TBC1D9: variants seen among roughly 807,000 people sequenced by gnomAD.
The protein encoded by TBC1D9 is TBC1 domain family member 9, also known as TBC1 domain family member 9A.
TBC1D9 carries 63 observed loss-of-function variants against 132.0 expected under a neutral mutation model. The ratio of observed to expected loss-of-function variants is 0.48; its 90% CI spans 0.39 to 0.59. The LOEUF (loss-of-function observed/expected upper bound fraction) is 0.59. Ranked by LOEUF, TBC1D9 falls within the 20% of genes least tolerant of loss-of-function variation. TBC1D9 has a pLI of 0.00. For synonymous variants in TBC1D9, 610 were observed against 609.9 expected (o/e 1.00, Z 0.00); for missense variants, 1,261 against 1,592.7 (o/e 0.79, Z 3.54).
intron 13 of TBC1D9, among the ~76,000 whole-genome samples, chr4:140,650,889 A>G (rs748473383): frequency 6.6e-6 from 1 of 152,172 alleles, no homozygotes; most frequent in Non-Finnish European, 1.5e-5. Flanking sequence ...TATAAAGGAG[A>G]CATGCTTTTG....
chr4:140,707,751 G>T (rs79740066), intron 1 of TBC1D9, among the ~76,000 whole-genome samples: 13,284 of 151,998 alleles, frequency 0.087, 1,573 homozygotes, highest in African/African-American at 0.27. Context: ...AGCCTCCAAG[G>T]CTTTGTACAA....
At chr4:140,708,555 C>T (rs527618743) in intron 1 of TBC1D9, among the ~76,000 whole-genome samples, 4 of 152,238 alleles carry the variant, frequency 2.6e-5, no homozygotes, top group South Asian at 4.2e-4. Flanking sequence ...CTGGTAAATA[C>T]GGTTTGCACA....
intron 1 of TBC1D9, among the ~76,000 whole-genome samples, chr4:140,715,275 G>C (rs1196440021): frequency 6.6e-6 from 1 of 152,168 alleles, no homozygotes; most frequent in Non-Finnish European, 1.5e-5. Context: ...ATCACGGCCT[G>C]AACTAGTTTT....
chr4:140,686,566 C>G, intron 2 of TBC1D9, 104 bp from the exon 3 acceptor site: 1 of 698,504 alleles, frequency 1.4e-6, no homozygotes. Flanking sequence ...AGGAGACTAT[C>G]GGACCAAGAG....
At chr4:140,705,808 G>A (rs539930479) in intron 1 of TBC1D9, among the ~76,000 whole-genome samples, 23 of 152,258 alleles carry the variant, frequency 1.5e-4, no homozygotes, top group African/African-American at 5.5e-4. Context: ...ACAAAGCGCT[G>A]TTTTAGCAGC....
intron 1 of TBC1D9, among the ~76,000 whole-genome samples, chr4:140,739,384 A>C (rs895190044): frequency 1.3e-5 from 2 of 152,194 alleles, no homozygotes; most frequent in African/African-American, 4.8e-5. Flanking sequence ...TTTTGTAAAA[A>C]TAATATCCCA....
intron 13 of TBC1D9, chr4:140,643,167 G>A: frequency 2.1e-6 from 3 of 1,438,694 alleles, no homozygotes; most frequent in Non-Finnish European, 2.9e-6. Context: ...GTGGCTGCCG[G>A]CTGCCAGCAG....
chr4:140,688,082 A>G (rs571228639), intron 2 of TBC1D9, among the ~76,000 whole-genome samples: 1 of 151,938 alleles, frequency 6.6e-6, no homozygotes, highest in East Asian at 1.9e-4. Context: ...ACACAGTGAG[A>G]CCCTGTCTAA....
chr4:140,646,656 G>A (rs1737107606), intron 13 of TBC1D9, among the ~76,000 whole-genome samples: 1 of 152,104 alleles, frequency 6.6e-6, no homozygotes, highest in African/African-American at 2.4e-5. Context: ...GTTTTGGAAG[G>A]ACTAATCCAG....
intron 13 of TBC1D9, among the ~76,000 whole-genome samples, chr4:140,649,929 T>C (rs1737162058): frequency 6.6e-6 from 1 of 152,220 alleles, no homozygotes; most frequent in African/African-American, 2.4e-5. Flanking sequence ...GGGCCCATAT[T>C]TTATATTTGA....
intron 1 of TBC1D9, among the ~76,000 whole-genome samples, chr4:140,707,139 T>A (rs548736346): frequency 3.2e-4 from 46 of 145,832 alleles, no homozygotes; most frequent in African/African-American, 1.1e-3. Flanking sequence ...TTTTTTTTTT[T>A]ATTTTCACCA....
chr4:140,697,487 A>G (rs564314804), intron 2 of TBC1D9, among the ~76,000 whole-genome samples: 2 of 152,214 alleles, frequency 1.3e-5, no homozygotes, highest in South Asian at 2.1e-4. Context: ...TTCTGGAGCT[A>G]TCTCTATGGG....
chr4:140,642,795 TA>T, intron 13 of TBC1D9: 2 of 629,700 alleles, frequency 3.2e-6, no homozygotes, highest in Non-Finnish European at 2.8e-6. Context: ...AGCTTTCCGC[TA>T]CTGTTGCAGT....
Position 140,739,252 on chromosome 4 carries a change from T to C in TBC1D9, c.130+16664A>G, listed in dbSNP as rs1738722649. ...GTGATCTGCCCACCTCCCAAAGTGC[T>C]GGGATTACAGGCTGAGCCACCGCAC... is the stretch of plus-strand genomic sequence containing the variant. On this transcript the variant is annotated intron_variant, in intron 1 of 20. Transcript: ENST00000442267. 2.0e-5 allele frequency among the ~76,000 whole-genome samples: 3 copies of C among 152,314 alleles called. No individual in the cohort carries two copies. In the South Asian group the frequency reaches 6.2e-4, roughly 32 times the overall value.
Position 140,755,768 on chromosome 4 carries a change from G to C in TBC1D9, c.130+148C>G, listed in dbSNP as rs1373108897. ...CATCTCTGCCCAACCTGAACATCACGACTCTCGATGCCTCGCATACAACGA... is the reference window on the plus strand; with the variant it reads ...CATCTCTGCCCAACCTGAACATCACCACTCTCGATGCCTCGCATACAACGA... On this transcript the variant is annotated intron_variant, in intron 1 of 20. Transcript: ENST00000442267. 3.1e-6 allele frequency: 4 copies of C among 1,270,838 alleles called. No individual in the cohort carries two copies. The African/African-American group carries it at 6.4e-5, about 20-fold the overall frequency. The allele number at this position is 1,270,838 out of a possible 1,614,324, so 78.7% of individuals were successfully genotyped here.
chr4:140,671,360 C>T (rs1439981237), intron 6 of TBC1D9, among the ~76,000 whole-genome samples: 1 of 152,112 alleles, frequency 6.6e-6, no homozygotes, highest in African/African-American at 2.4e-5. Context: ...ATGTCAATAG[C>T]TCCAAGGTTG....
chr4:140,691,603 G>C (rs1560887255), intron 2 of TBC1D9, among the ~76,000 whole-genome samples: 1 of 152,182 alleles, frequency 6.6e-6, no homozygotes, highest in Non-Finnish European at 1.5e-5. Context: ...TAATCAGCTG[G>C]AATAACAAAG....
At chr4:140,701,418 A>C (rs1033438573) in intron 2 of TBC1D9, 86 bp downstream of exon 2, 33 of 966,916 alleles carry the variant, frequency 3.4e-5, no homozygotes, top group Admixed American at 6.6e-5. Context: ...GCATTCAGCA[A>C]GTACACGTTC....
intron 12 of TBC1D9, 22 bp downstream of exon 12, chr4:140,657,505 A>C: frequency 6.3e-7 from 1 of 1,586,160 alleles, no homozygotes; most frequent in Non-Finnish European, 8.6e-7. Context: ...GATGGTTTTC[A>C]AAGTTAGGCT....
Sources: allele counts gnomAD v4.1 joint callset (sites outside exome capture counted in the v4.1 genomes callset), GRCh38; gene constraint gnomAD v4.1.1; transcripts MANE v1.5; gene names NCBI Gene and HGNC (gene_info 2026-07-23, HGNC 2026-07-21).